SLC44A1: variants seen among roughly 807,000 people sequenced by gnomAD.
The protein encoded by SLC44A1 is choline transporter-like protein 1.
A neutral mutation model predicts 79.3 loss-of-function variants in SLC44A1; 26 were observed. The observed-to-expected ratio is 0.33, with a 90% CI of 0.24 to 0.46. The LOEUF is 0.46. SLC44A1 is among the 20% of genes least tolerant of loss of function. The pLI is 1.00. For missense variants in SLC44A1, 688 were observed against 798.1 expected, an observed-to-expected ratio of 0.86 and a Z score of 1.66; for synonymous variants, 263 against 286.2, an observed-to-expected ratio of 0.92 and a Z score of 0.82.
chr9:105,286,611 G>T (rs542069395), intron 1 of SLC44A1, among the ~76,000 whole-genome samples: 85 of 152,254 alleles, frequency 5.6e-4, no homozygotes, highest in African/African-American at 1.9e-3. Context: ...CTTAATACGT[G>T]CAGCTTTTCC....
rs1281260227 is a variant in SLC44A1 at position 105,393,160 on chromosome 9, A to G, written c.*4104A>G. The G allele has an allele frequency of 1.0e-6, 1 of 985,364 alleles. No individual in the cohort carries two copies. The highest frequency in any genetic ancestry group is 1.7e-5 in the African/African-American group (1 of 57,262). 61.0% of individuals were successfully genotyped at this position (985,364 alleles called of 1,614,324 possible). On this transcript the variant is annotated 3_prime_UTR_variant, in exon 16 of 16. Coordinates refer to ENST00000374720, the MANE Select transcript of SLC44A1 (RefSeq NM_080546.5). ...GTTCATAAGTAAAAGCGTAACGCAG[A>G]TATTTGTGTATTCTGTATTCACAGC... is the stretch of plus-strand genomic sequence containing the variant.
At chr9:105,372,881 C>T (rs1460490041) in intron 12 of SLC44A1, among the ~76,000 whole-genome samples, 1 of 145,706 alleles carries the variant, frequency 6.9e-6, no homozygotes, top group Non-Finnish European at 1.5e-5. Flanking sequence ...ACCCGGGAGG[C>T]GGAGCTTGCA....
intron 12 of SLC44A1, 91 bp from the exon 13 acceptor site, chr9:105,374,507 T>G: frequency 7.8e-7 from 1 of 1,283,792 alleles, no homozygotes; most frequent in Admixed American, 2.1e-5. Flanking sequence ...CTGAAATATT[T>G]TTAAAAGCTA....
intron 15 of SLC44A1, among the ~76,000 whole-genome samples, chr9:105,421,618 T>C (rs1388071052): frequency 6.8e-6 from 1 of 146,262 alleles, no homozygotes; most frequent in Non-Finnish European, 1.5e-5. Flanking sequence ...AGAGTTTCCA[T>C]CTGTCGCCCA....
At chr9:105,362,039 T>C (rs1827795563) in intron 8 of SLC44A1, among the ~76,000 whole-genome samples, 1 of 151,902 alleles carries the variant, frequency 6.6e-6, no homozygotes, top group South Asian at 2.1e-4. Flanking sequence ...AATATATATG[T>C]GTGTTTGTGT....
chr9:105,323,722 A>T (rs1588779634), intron 3 of SLC44A1, among the ~76,000 whole-genome samples: 1 of 152,174 alleles, frequency 6.6e-6, no homozygotes, highest in African/African-American at 2.4e-5. Flanking sequence ...ACTCTCACAT[A>T]TTCTGTCTCA....
intron 1 of SLC44A1, among the ~76,000 whole-genome samples, chr9:105,245,137 A>C (rs932534936): frequency 6.6e-6 from 1 of 151,464 alleles, no homozygotes; most frequent in Non-Finnish European, 1.5e-5. Flanking sequence ...GTGCGCCCTC[A>C]GCTCTTCCCG....
At chr9:105,269,546 T>C (rs1830034141) in intron 1 of SLC44A1, among the ~76,000 whole-genome samples, 1 of 152,244 alleles carries the variant, frequency 6.6e-6, no homozygotes, top group Admixed American at 6.5e-5. Flanking sequence ...CTCAGGTGCA[T>C]GTGTTGGCTC....
In SLC44A1 at chr9:105,304,944, G is replaced by GTTTTTTTTTGTTTTTTTTTTTTTTT. The variant is rs1554790127; in HGVS notation, c.127-4771_127-4770insGTTTTTTTTTTTTTTTTTTTTTTTT. ...GTAGTTATTCCCTAGACTTTCTATC[G>GTTTTTTTTTGTTTTTTTTTTTTTTT]TTTTTTTTTTTTTTTTTTTTTTTTT... On this transcript the variant is annotated intron_variant, in intron 2 of 15. Coordinates refer to ENST00000374720, the MANE Select transcript of SLC44A1 (RefSeq NM_080546.5). Among the ~76,000 whole-genome samples, 4 of 20,078 alleles carry GTTTTTTTTTGTTTTTTTTTTTTTTT rather than the reference G, an allele frequency of 2.0e-4. 2 individuals are homozygous for GTTTTTTTTTGTTTTTTTTTTTTTTT. Among genetic ancestry groups the GTTTTTTTTTGTTTTTTTTTTTTTTT allele is most frequent in the African/African-American group, 2.7e-4 (2 of 7,274 alleles). The allele number at this position is 20,078 out of a possible 152,430, so 13.2% of individuals were successfully genotyped here.
intron 3 of SLC44A1, among the ~76,000 whole-genome samples, chr9:105,330,334 C>T (rs1826711857): frequency 1.3e-5 from 2 of 152,226 alleles, no homozygotes; most frequent in South Asian, 4.1e-4. Context: ...TTAGGTTAGT[C>T]ACCCAGCTTG....
At chr9:105,382,101 G>C (rs16924518) in intron 13 of SLC44A1, among the ~76,000 whole-genome samples, 1,802 of 152,246 alleles carry the variant, frequency 0.012, 38 homozygotes, top group African/African-American at 0.041. Flanking sequence ...GAGCACTGGA[G>C]TTGACATCAT....
In SLC44A1 at chr9:105,391,426, A is replaced by G. The variant is rs565460370; in HGVS notation, c.*2370A>G. 7.2e-5 allele frequency: 71 copies of G among 985,390 alleles called. 1 individual carries two copies. The African/African-American group carries it at 1.2e-3, about 16-fold the overall frequency. 61.0% of individuals were successfully genotyped at this position (985,390 alleles called of 1,614,324 possible). A position where few individuals can be genotyped will look rare whatever the true frequency, so the allele number is the denominator to read the frequency against. ...ACATTGTGTTTAGAAATTATAATCTATGTGTAACCATGTCATTTGAGTTGC... is the reference window on the plus strand; with the variant it reads ...ACATTGTGTTTAGAAATTATAATCTGTGTGTAACCATGTCATTTGAGTTGC... On this transcript the variant is annotated 3_prime_UTR_variant, in exon 16 of 16. Coordinates refer to ENST00000374720, the MANE Select transcript of SLC44A1 (RefSeq NM_080546.5).
intron 15 of SLC44A1, among the ~76,000 whole-genome samples, chr9:105,414,284 T>C (rs1387106174): frequency 1.3e-5 from 2 of 152,046 alleles, no homozygotes; most frequent in Non-Finnish European, 2.9e-5. Flanking sequence ...CTCTATCTCC[T>C]GATCTCGTGA....
At chr9:105,423,156 A>G (rs1829275834) in intron 15 of SLC44A1, among the ~76,000 whole-genome samples, 3 of 152,088 alleles carry the variant, frequency 2.0e-5, no homozygotes, top group Non-Finnish European at 2.9e-5. Context: ...AATCTCAAGA[A>G]TGGGCCAGGC....
At chr9:105,310,443 T>G (rs1831147228) in intron 3 of SLC44A1, among the ~76,000 whole-genome samples, 5 of 152,178 alleles carry the variant, frequency 3.3e-5, no homozygotes, top group Non-Finnish European at 1.5e-5. Context: ...CATTTTGTTT[T>G]TAATACCTGT....
chr9:105,364,782 AGGGGAAGGGAATCAGACTG>A, intron 10 of SLC44A1, 62 bp downstream of exon 10: 2 of 1,364,956 alleles, frequency 1.5e-6, no homozygotes, highest in Non-Finnish European at 2.0e-6. Context: ...CGCAGGCTGG[AGGGGAAGGGAATCAGACTG>A]GGGCTGGCAG....
At chr9:105,350,652 T>C (rs1239082622) in intron 5 of SLC44A1, among the ~76,000 whole-genome samples, 1 of 152,146 alleles carries the variant, frequency 6.6e-6, no homozygotes, top group Non-Finnish European at 1.5e-5. Context: ...TACTTTCTGT[T>C]TGTCACCTTG....
intron 1 of SLC44A1, among the ~76,000 whole-genome samples, chr9:105,280,584 C>G (rs1487130420): frequency 1.3e-5 from 2 of 152,064 alleles, no homozygotes; most frequent in Non-Finnish European, 2.9e-5. Flanking sequence ...TCCATGAAAC[C>G]ATAAACAGGT....
intron 5 of SLC44A1, 81 bp from the exon 6 acceptor site, chr9:105,356,131 C>T (rs779288375): frequency 2.0e-5 from 21 of 1,071,048 alleles, no homozygotes; most frequent in Middle Eastern, 2.0e-4. Context: ...GCCATATTCA[C>T]CTTTCATTTG....
Sources: allele counts gnomAD v4.1 joint callset (sites outside exome capture counted in the v4.1 genomes callset), GRCh38; gene constraint gnomAD v4.1.1; transcripts MANE v1.5; gene names NCBI Gene and HGNC (gene_info 2026-07-23, HGNC 2026-07-21).